The following FAR1 variants were observed in gnomAD, a reference collection of about 807,000 sequenced individuals.
FAR1 encodes fatty acyl-CoA reductase 1, also known as male sterility domain-containing protein 2.
A neutral mutation model predicts 61.1 loss-of-function variants in FAR1; 22 were observed. That is an observed-to-expected ratio of 0.36 (90% CI 0.26 to 0.51). The LOEUF is 0.51. FAR1 is among the 20% of genes least tolerant of loss of function. The probability of loss-of-function intolerance (pLI) is 0.95; values close to 1 mark genes in which losing one functional copy is unlikely to be tolerated. For synonymous variants in FAR1, 206 were observed against 209.7 expected, an observed-to-expected ratio of 0.98 and a Z score of 0.15; for missense variants, 359 against 626.9, an observed-to-expected ratio of 0.57 and a Z score of 4.56.
chr11:13,721,705 T>A lies in FAR1; in HGVS notation c.1128-25T>A. ...TTTCCTAATCTATACAAAATATGAA[T>A]CTGTCCATTTTTCTTACAATACAGG... On this transcript the variant is annotated intron_variant, in intron 9 of 11. Transcript: ENST00000354817. This position sits in a 1 kb window ranked among gnomAD's most constrained non-coding sequence, Gnocchi z 4.2. The A allele has an allele frequency of 6.2e-7, 1 of 1,603,582 alleles. No homozygotes were observed. The highest frequency in any genetic ancestry group is 8.5e-7 in the Non-Finnish European group (1 of 1,175,442).
chr11:13,671,575 A>G (rs1273600315), intron 1 of FAR1, among the ~76,000 whole-genome samples: 1 of 152,222 alleles, frequency 6.6e-6, no homozygotes, highest in Non-Finnish European at 1.5e-5. Flanking sequence ...AGTTGGAAAC[A>G]TTTTTGAGTC....
chr11:13,683,413 G>A (rs902566928), intron 1 of FAR1, among the ~76,000 whole-genome samples: 1 of 151,906 alleles, frequency 6.6e-6, no homozygotes, highest in Non-Finnish European at 1.5e-5. Context: ...AGACAAAGCA[G>A]CATTGGATAT....
At chr11:13,705,854 G>A (rs1308477176) in intron 3 of FAR1, among the ~76,000 whole-genome samples, 1 of 151,964 alleles carries the variant, frequency 6.6e-6, no homozygotes, top group Non-Finnish European at 1.5e-5. Context: ...AACTTGTCCT[G>A]TCCTCAGGAA....
intron 10 of FAR1, 150 bp downstream of exon 10, chr11:13,722,009 G>T: frequency 1.6e-6 from 1 of 610,080 alleles, no homozygotes; most frequent in Non-Finnish European, 2.6e-6. Flanking sequence ...ATAATTGTTA[G>T]TGGTGAAATA....
chr11:13,669,535 A>G (rs1367113163), intron 1 of FAR1: 1 of 152,194 alleles, frequency 6.6e-6, no homozygotes, highest in African/African-American at 2.4e-5. Context: ...ACAAGCAGCA[A>G]ACGCGGTAGA....
chr11:13,728,630 T>C lies in FAR1; in HGVS notation c.1404T>C (p.Tyr468=), dbSNP rs145037142. The C allele has an allele frequency of 1.2e-5, 19 of 1,611,564 alleles. No homozygotes were observed. Among genetic ancestry groups the C allele is most frequent in the African/African-American group, 4.0e-5 (3 of 74,836 alleles). Reference sequence around the variant, plus strand: ...TTTCCAGGTTGCGGAATATACGTTATGGTTTTAATACTATCCTTGTGATCC... The same window carrying C: ...TTTCCAGGTTGCGGAATATACGTTACGGTTTTAATACTATCCTTGTGATCC... ...KHLNKLRNIR[Y]GFNTILVILI... is the part of the protein sequence containing the mutation. Residue 468 remains tyrosine (Y), a synonymous_variant, in exon 12 of 12, where the codon TAT becomes TAC. Transcript: ENST00000354817.
Position 13,729,125 on chromosome 11 carries a change from T to G in FAR1, c.*351T>G, listed in dbSNP as rs1848695209. 6.3e-6 allele frequency: 1 copy of G among 159,724 alleles called. No homozygotes were observed. Among genetic ancestry groups the G allele is most frequent in the Non-Finnish European group, 1.4e-5 (1 of 72,432 alleles). The allele number at this position is 159,724 out of a possible 1,614,324, so 9.9% of individuals were successfully genotyped here. A position where few individuals can be genotyped will look rare whatever the true frequency, so the allele number is the denominator to read the frequency against. ...TTAATTAAAATAATATGCCTTAACA[T>G]ATAGTGAATTTCTAATTCTAATGTT... On this transcript the variant is annotated 3_prime_UTR_variant, in exon 12 of 12. Coordinates refer to ENST00000354817, the MANE Select transcript of FAR1 (RefSeq NM_032228.6).
At chr11:13,673,436 A>C (rs529482957) in intron 1 of FAR1, among the ~76,000 whole-genome samples, 2 of 152,356 alleles carry the variant, frequency 1.3e-5, no homozygotes, top group African/African-American at 4.8e-5. Context: ...CAGAGAAGTT[A>C]GTAACTTTCC....
At chr11:13,709,904 T>G (rs1848478583) in intron 4 of FAR1, among the ~76,000 whole-genome samples, 1 of 152,084 alleles carries the variant, frequency 6.6e-6, no homozygotes, top group African/African-American at 2.4e-5. Context: ...CATAATGTAT[T>G]AGAATCAGAA....
chr11:13,721,846 C>T lies in FAR1; in HGVS notation c.1244C>T (p.Pro415Leu). 1 of 1,598,086 alleles carries T rather than the reference C, an allele frequency of 6.3e-7. No homozygotes were observed. Among genetic ancestry groups the T allele is most frequent in the Non-Finnish European group, 8.5e-7 (1 of 1,173,974 alleles). The change falls in exon 10 of 12, where the codon CCT becomes CTT. Residue 415 changes from proline (P) to leucine (L), a missense_variant. Pro to Leu is a moderately conservative substitution (Grantham distance 98). Around this residue, in one of 2 missense-constraint regions of FAR1, gnomAD observed 344 missense variants for 570.3 expected, o/e 0.60. Transcript: ENST00000354817. This position sits in a 1 kb window ranked among gnomAD's most constrained non-coding sequence, Gnocchi z 4.2. ...NVNMLMNQLN[P>L]EDKKTFNIDV... ...AATATGTTAATGAATCAACTAAACC[C>T]TGAAGATAAAAAGGCAAGCAAGTAT...
chr11:13,700,366 T>A lies in FAR1; in HGVS notation c.239T>A (p.Ile80Lys). 1 of 1,598,796 alleles carries A rather than the reference T, an allele frequency of 6.3e-7. No individual in the cohort carries two copies. Among genetic ancestry groups the A allele is most frequent in the Non-Finnish European group, 8.5e-7 (1 of 1,175,230 alleles). Residue 80 changes from isoleucine (I) to lysine (K), a missense_variant, in exon 3 of 12, where the codon ATA becomes AAA. This residue lies in a region of FAR1 where 344 missense variants were observed against 570.3 expected (regional missense o/e 0.60). Coordinates refer to ENST00000354817, the MANE Select transcript of FAR1 (RefSeq NM_032228.6). ...DENPDFREKI[I>K]AINSELTQPK... ...AATCCAGATTTTAGAGAGAAAATTATAGCAATCAACAGCGAACTCACCCAA... is the reference window on the plus strand; with the variant it reads ...AATCCAGATTTTAGAGAGAAAATTAAAGCAATCAACAGCGAACTCACCCAA...
chr11:13,680,008 A>T (rs1848109017), intron 1 of FAR1, among the ~76,000 whole-genome samples: 1 of 152,178 alleles, frequency 6.6e-6, no homozygotes, highest in Admixed American at 6.5e-5. Flanking sequence ...GTGTAGGCAA[A>T]CAAAGTGGCC....
At chr11:13,672,109 A>G (rs1016995030) in intron 1 of FAR1, among the ~76,000 whole-genome samples, 1 of 152,170 alleles carries the variant, frequency 6.6e-6, no homozygotes, top group African/African-American at 2.4e-5. Context: ...GTCACAAGAA[A>G]GCTGGAATGA....
chr11:13,673,319 A>G (rs936638388), intron 1 of FAR1, among the ~76,000 whole-genome samples: 5 of 152,198 alleles, frequency 3.3e-5, no homozygotes, highest in African/African-American at 9.6e-5. Context: ...TGTGATTCCT[A>G]TTTCATCTAG....
intron 2 of FAR1, among the ~76,000 whole-genome samples, chr11:13,695,467 C>A (rs1281458081): frequency 6.6e-6 from 1 of 151,862 alleles, no homozygotes; most frequent in Non-Finnish European, 1.5e-5. Context: ...AAAAATATTA[C>A]TAAGAAAAAA....
At chr11:13,699,240 A>G (rs2134183142) in intron 2 of FAR1, among the ~76,000 whole-genome samples, 1 of 152,310 alleles carries the variant, frequency 6.6e-6, no homozygotes, top group South Asian at 2.1e-4. Flanking sequence ...ATTGCTTAAC[A>G]CTATATTTTA....
rs1047566171 is a variant in FAR1, at chr11:13,730,274, T to C, written c.*1500T>C. 5 of 152,484 alleles carry C rather than the reference T, an allele frequency of 3.3e-5. No homozygotes were observed. The highest frequency in any genetic ancestry group is 4.8e-5 in the African/African-American group (2 of 41,458). 9.4% of individuals were successfully genotyped at this position (152,484 alleles called of 1,614,324 possible). A position where few individuals can be genotyped will look rare whatever the true frequency, so the allele number is the denominator to read the frequency against. On this transcript the variant is annotated 3_prime_UTR_variant, in exon 12 of 12. Coordinates refer to ENST00000354817, the MANE Select transcript of FAR1 (RefSeq NM_032228.6). ...GCAATGTATAAAAAGTTTATTTTGC[T>C]ATTGTGAAAAACTAAATGTAAAGGA...
At chr11:13,706,601 ATC>A (rs1162397987) in intron 3 of FAR1, among the ~76,000 whole-genome samples, 3 of 152,194 alleles carry the variant, frequency 2.0e-5, no homozygotes, top group Admixed American at 2.0e-4. Context: ...CATATTCATT[ATC>A]TCACATACTT....
At chr11:13,708,447 G>GCACACACACACACACACACACA (rs61253307) in intron 4 of FAR1, among the ~76,000 whole-genome samples, 5 of 136,700 alleles carry the variant, frequency 3.7e-5, no homozygotes, top group African/African-American at 1.4e-4. Flanking sequence ...GCGCGCGCGC[G>GCACACACACACACACACACACA]CACACACACA....
Sources: allele counts gnomAD v4.1 joint callset (sites outside exome capture counted in the v4.1 genomes callset), GRCh38; gene constraint gnomAD v4.1.1; regional missense constraint gnomAD v4.1.1; non-coding constraint Gnocchi (gnomAD v3.1); transcripts MANE v1.5; gene names NCBI Gene and HGNC (gene_info 2026-07-23, HGNC 2026-07-21).